The following FKBP5 variants were observed in gnomAD, a reference collection of about 807,000 sequenced individuals.
FKBP5 encodes the protein peptidyl-prolyl cis-trans isomerase FKBP5.
A neutral mutation model predicts 50.5 loss-of-function variants in FKBP5; 23 were observed. That is an observed-to-expected ratio of 0.46 (90% confidence interval 0.33 to 0.65). FKBP5 has a LOEUF of 0.65. Ranked by LOEUF, FKBP5 falls within the 30% of genes least tolerant of loss-of-function variation. FKBP5 has a pLI of 0.02. For missense variants in FKBP5, 411 were observed against 553.1 expected (o/e 0.74, Z 2.58); for synonymous variants, 176 against 190.6 (o/e 0.92, Z 0.63).
intron 3 of FKBP5, among the ~76,000 whole-genome samples, chr6:35,630,295 A>C (rs1764116328): frequency 6.6e-6 from 1 of 152,150 alleles, no homozygotes; most frequent in Admixed American, 6.5e-5. Context: ...CACCCCTGTA[A>C]TACCAGCACT....
chr6:35,587,521 A>G (rs1416174428), intron 7 of FKBP5, among the ~76,000 whole-genome samples: 1 of 152,218 alleles, frequency 6.6e-6, no homozygotes, highest in Non-Finnish European at 1.5e-5. Context: ...CTAAAATGGG[A>G]ACATGACTGT....
intron 2 of FKBP5, among the ~76,000 whole-genome samples, chr6:35,720,027 T>C (rs1370791995): frequency 6.6e-6 from 1 of 152,166 alleles, no homozygotes; most frequent in Non-Finnish European, 1.5e-5. Context: ...CATGTTTTGC[T>C]TTAAAACTAG....
At chr6:35,715,048 T>C (rs1190273391) in intron 2 of FKBP5, among the ~76,000 whole-genome samples, 1 of 152,018 alleles carries the variant, frequency 6.6e-6, no homozygotes, top group Non-Finnish European at 1.5e-5. Context: ...TATAGGTGCA[T>C]GCCACCACGC....
At chr6:35,690,011 A>G (rs993125386), upstream of FKBP5, among the ~76,000 whole-genome samples, 3 of 152,214 alleles carry the variant, frequency 2.0e-5, no homozygotes, top group African/African-American at 7.2e-5. Context: ...GATGTCCCAT[A>G]GCTAGTTACA....
chr6:35,648,109 G>C (rs1038037935), intron 1 of FKBP5, among the ~76,000 whole-genome samples: 9 of 152,278 alleles, frequency 5.9e-5, no homozygotes, highest in Admixed American at 4.6e-4. Flanking sequence ...GATTTAATTG[G>C]TCTGTGGTGG....
chr6:35,583,489 T>A, intron 8 of FKBP5: 1 of 985,494 alleles, frequency 1.0e-6, no homozygotes. Context: ...CATGTAACTT[T>A]ATTTAGACTT....
intron 3 of FKBP5, among the ~76,000 whole-genome samples, chr6:35,633,259 T>C (rs1764215185): frequency 6.6e-6 from 1 of 151,872 alleles, no homozygotes. Flanking sequence ...TATAAAACTA[T>C]AGTCTGGGCA....
At chr6:35,654,912 T>C (rs1283776259) in intron 1 of FKBP5, among the ~76,000 whole-genome samples, 2 of 152,126 alleles carry the variant, frequency 1.3e-5, no homozygotes, top group Non-Finnish European at 2.9e-5. Flanking sequence ...AGCAGCTGGG[T>C]CCAGTGCCAA....
intron 1 of FKBP5, among the ~76,000 whole-genome samples, chr6:35,679,832 C>T (rs929808118): frequency 6.6e-6 from 1 of 152,102 alleles, no homozygotes; most frequent in Non-Finnish European, 1.5e-5. Flanking sequence ...ACTCAGGTAA[C>T]AGATGCACTA....
At chr6:35,697,106 A>G (rs1425737250) in intron 2 of FKBP5, among the ~76,000 whole-genome samples, 1 of 152,258 alleles carries the variant, frequency 6.6e-6, no homozygotes, top group African/African-American at 2.4e-5. Flanking sequence ...AATTAAAAGC[A>G]GGAACTCAAA....
intron 1 of FKBP5, among the ~76,000 whole-genome samples, chr6:35,675,493 C>A (rs1021874449): frequency 4.6e-5 from 7 of 152,182 alleles, no homozygotes; most frequent in African/African-American, 1.7e-4. Context: ...TCGCTTGAAC[C>A]TGGGAGACAG....
intron 3 of FKBP5, among the ~76,000 whole-genome samples, chr6:35,629,703 A>G (rs1412991514): frequency 1.3e-5 from 2 of 152,212 alleles, no homozygotes; most frequent in African/African-American, 2.4e-5. Context: ...GCATGATGTA[A>G]TATCGAATTT....
Position 35,597,208 on chromosome 6 carries a change from T to C in FKBP5, c.665+40A>G, listed in dbSNP as rs1291718642. The C allele has an allele frequency of 5.0e-6, 8 of 1,607,810 alleles. No individual in the cohort carries two copies. In the African/African-American group the frequency reaches 5.4e-5, roughly 11 times the overall value. Reference sequence around the variant, plus strand: ...AAAAAGCAAGCATATCCCTGTCCTTTAGGTGACTTCACTGTGTTCCAAACT... The same window carrying C: ...AAAAAGCAAGCATATCCCTGTCCTTCAGGTGACTTCACTGTGTTCCAAACT... On this transcript the variant is annotated intron_variant, in intron 6 of 10. Transcript: ENST00000357266.
At chr6:35,707,685 C>T (rs1227474330) in intron 2 of FKBP5, among the ~76,000 whole-genome samples, 2 of 151,916 alleles carry the variant, frequency 1.3e-5, no homozygotes, top group Non-Finnish European at 2.9e-5. Context: ...TTTTTCTGAT[C>T]CTCTCCCTTC....
chr6:35,669,940 T>C (rs1203565088), intron 1 of FKBP5, among the ~76,000 whole-genome samples: 1 of 152,214 alleles, frequency 6.6e-6, no homozygotes, highest in Non-Finnish European at 1.5e-5. Context: ...CTATCTTGCC[T>C]CAGATTACTG....
chr6:35,678,764 A>T (rs994506646), intron 1 of FKBP5, among the ~76,000 whole-genome samples: 2 of 152,190 alleles, frequency 1.3e-5, no homozygotes, highest in Admixed American at 6.5e-5. Flanking sequence ...CTGTTTTATG[A>T]TCTCTGTGAG....
intron 2 of FKBP5, among the ~76,000 whole-genome samples, chr6:35,713,299 A>AGAG: frequency 6.6e-6 from 1 of 152,042 alleles, no homozygotes; most frequent in East Asian, 1.9e-4. Context: ...CCAAGGCCAA[A>AGAG]TCCTGTGGCC....
chr6:35,703,948 C>T (rs1456222927), intron 2 of FKBP5, among the ~76,000 whole-genome samples: 2 of 152,132 alleles, frequency 1.3e-5, no homozygotes, highest in Admixed American at 6.6e-5. Flanking sequence ...TGGTAGCAGC[C>T]ATTTTCTCTG....
intron 1 of FKBP5, among the ~76,000 whole-genome samples, chr6:35,677,186 G>A (rs1765548031): frequency 6.6e-6 from 1 of 152,120 alleles, no homozygotes; most frequent in Non-Finnish European, 1.5e-5. Flanking sequence ...CCATTCTCCT[G>A]CCTCAGCCTC....
Sources: allele counts gnomAD v4.1 joint callset (sites outside exome capture counted in the v4.1 genomes callset), GRCh38; gene constraint gnomAD v4.1.1; transcripts MANE v1.5; gene names NCBI Gene and HGNC (gene_info 2026-07-23, HGNC 2026-07-21).